Variants in SIPA1L1 observed in about 807,000 individuals in gnomAD.
SIPA1L1 encodes the protein signal induced proliferation associated 1 like 1.
SIPA1L1 carries 26 observed loss-of-function variants against 162.7 expected under a neutral mutation model. The ratio of observed to expected loss-of-function variants is 0.16; its 90% CI spans 0.12 to 0.22. SIPA1L1 has a LOEUF of 0.22. SIPA1L1 is among the 10% of genes least tolerant of loss of function. The probability of loss-of-function intolerance (pLI) is 1.00; values close to 1 mark genes in which losing one functional copy is unlikely to be tolerated. For synonymous variants in SIPA1L1, 829 were observed against 837.4 expected (o/e 0.99, Z 0.17); for missense variants, 1,874 against 2,241.0 (o/e 0.84, Z 3.31).
intron 7 of SIPA1L1, among the ~76,000 whole-genome samples, chr14:71,630,851 AC>A (rs2040494153): frequency 6.6e-6 from 1 of 150,950 alleles, no homozygotes; most frequent in Non-Finnish European, 1.5e-5. Context: ...GCTTTATTTC[AC>A]CCCTTTCTTT....
In SIPA1L1 at chr14:71,709,370, G is replaced by A; in HGVS notation, c.3914G>A (p.Ser1305Asn). The A allele has an allele frequency of 6.2e-7, 1 of 1,614,252 alleles. No homozygotes were observed. The highest frequency in any genetic ancestry group is 8.5e-7 in the Non-Finnish European group (1 of 1,180,046). ...YNYLQGTSAD[S>N]GIDTTSYGPS... The stretch of plus-strand genomic sequence containing the variant: ...TATCTGCAAGGCACCTCTGCTGACA[G>A]TGGCATTGACACCACCTCTTATGGC... The change falls in exon 17 of 24, where the codon AGT (serine) becomes AAT (asparagine). Residue 1305 changes from serine (S) to asparagine (N), a missense_variant. Ser to Asn is a conservative substitution (Grantham distance 46). Around this residue, in one of 5 missense-constraint regions of SIPA1L1, gnomAD observed 936 missense variants for 1,051.9 expected, o/e 0.89. Transcript: ENST00000381232.
chr14:71,334,253 A>G (rs1225985133), intron 2 of SIPA1L1, among the ~76,000 whole-genome samples: 1 of 152,020 alleles, frequency 6.6e-6, no homozygotes, highest in Non-Finnish European at 1.5e-5. Context: ...CAAATGAGAA[A>G]AAAAAAGTTA....
intron 19 of SIPA1L1, among the ~76,000 whole-genome samples, chr14:71,726,145 G>A (rs564250675): frequency 3.9e-5 from 6 of 152,272 alleles, no homozygotes; most frequent in African/African-American, 1.2e-4. Context: ...GAGTTTTGTC[G>A]AGAAATAAAT....
At chr14:71,421,352 G>C (rs2043175274) in intron 2 of SIPA1L1, among the ~76,000 whole-genome samples, 1 of 152,102 alleles carries the variant, frequency 6.6e-6, no homozygotes, top group African/African-American at 2.4e-5. Flanking sequence ...CAGTGCTTTG[G>C]GAGGCTGAGG....
At chr14:71,709,146 TCA>T in intron 16 of SIPA1L1, 74 bp from the exon 17 acceptor site, 3 of 1,238,884 alleles carry the variant, frequency 2.4e-6, no homozygotes, top group Non-Finnish European at 3.4e-6. Context: ...TAGAAATTAA[TCA>T]CAGTGTCATT....
chr14:71,739,104 C>T lies in SIPA1L1; in HGVS notation c.5295C>T (p.Ala1765=). 1 of 1,614,046 alleles carries T rather than the reference C, an allele frequency of 6.2e-7. No individual in the cohort carries two copies. Among genetic ancestry groups the T allele is most frequent in the East Asian group, 2.2e-5 (1 of 44,862 alleles). ...GGCTACAGGAGGAGTCCCAGAACGC[C>T]TCGGACAAGCTGAAGAAGTTCACAG... ...NLRLQEESQN[A]SDKLKKFTEW... The change falls in exon 24 of 24, where the codon GCC becomes GCT. Residue 1765 remains alanine (A), a synonymous_variant. Coordinates refer to ENST00000381232, the MANE Select transcript of SIPA1L1 (RefSeq NM_001386936.1).
At chr14:71,695,453 T>C (rs1457251310) in intron 13 of SIPA1L1, among the ~76,000 whole-genome samples, 2 of 152,202 alleles carry the variant, frequency 1.3e-5, no homozygotes, top group Non-Finnish European at 2.9e-5. Context: ...AAGCTGAGGT[T>C]GAGAACTAGC....
At chr14:71,411,622 T>C (rs2042410007) in intron 2 of SIPA1L1, among the ~76,000 whole-genome samples, 1 of 152,132 alleles carries the variant, frequency 6.6e-6, no homozygotes. Flanking sequence ...TCCCAAGGAG[T>C]TGGCTGGGCC....
intron 11 of SIPA1L1, 143 bp downstream of exon 11, chr14:71,671,835 T>C: frequency 1.5e-6 from 1 of 651,592 alleles, no homozygotes; most frequent in East Asian, 2.7e-5. Context: ...ACAGAGTTTA[T>C]CTCATGCTTG....
chr14:71,679,999 C>G (rs879710668), intron 12 of SIPA1L1, among the ~76,000 whole-genome samples: 1 of 152,100 alleles, frequency 6.6e-6, no homozygotes, highest in Non-Finnish European at 1.5e-5. Flanking sequence ...CTTTATCACC[C>G]GACTGTCAAC....
At chr14:71,563,371 G>A (rs1188018954) in intron 4 of SIPA1L1, among the ~76,000 whole-genome samples, 1 of 145,852 alleles carries the variant, frequency 6.9e-6, no homozygotes, top group Admixed American at 6.8e-5. Flanking sequence ...GTCTTCTTTT[G>A]GTTTGTACAT....
At chr14:71,412,020 C>T (rs1231587752) in intron 2 of SIPA1L1, among the ~76,000 whole-genome samples, 1 of 152,168 alleles carries the variant, frequency 6.6e-6, no homozygotes, top group African/African-American at 2.4e-5. Flanking sequence ...CAGCTGCCAG[C>T]CATGTCTTAT....
At chr14:71,357,699 CTGT>C (rs2037406716) in intron 2 of SIPA1L1, among the ~76,000 whole-genome samples, 1 of 152,076 alleles carries the variant, frequency 6.6e-6, no homozygotes, top group Non-Finnish European at 1.5e-5. Flanking sequence ...GTAGTTGGTA[CTGT>C]AGGCATGAGC....
chr14:71,520,283 C>G (rs2144823006), intron 3 of SIPA1L1, among the ~76,000 whole-genome samples: 1 of 152,224 alleles, frequency 6.6e-6, no homozygotes, highest in East Asian at 1.9e-4. Flanking sequence ...ATCAGTTCAT[C>G]AAAATGAACA....
intron 2 of SIPA1L1, among the ~76,000 whole-genome samples, chr14:71,387,248 CAAAAAAA>C (rs398025583): frequency 0.31 from 16,234 of 53,112 alleles, 840 homozygotes; most frequent in Middle Eastern, 0.42. Context: ...AACTCTGTCT[CAAAAAAA>C]AAAAAAAAAA....
intron 2 of SIPA1L1, among the ~76,000 whole-genome samples, chr14:71,394,003 T>C (rs2040981988): frequency 6.6e-6 from 1 of 152,246 alleles, no homozygotes; most frequent in Non-Finnish European, 1.5e-5. Context: ...AAGTATTTGA[T>C]AGTAGAATAA....
At chr14:71,731,408 G>A (rs1267765251) in intron 20 of SIPA1L1, among the ~76,000 whole-genome samples, 7 of 152,056 alleles carry the variant, frequency 4.6e-5, no homozygotes, top group African/African-American at 7.2e-5. Flanking sequence ...AGTCACCTCC[G>A]ATGAACCAAG....
At chr14:71,600,636 C>T (rs1031160858) in intron 5 of SIPA1L1, among the ~76,000 whole-genome samples, 1 of 152,108 alleles carries the variant, frequency 6.6e-6, no homozygotes, top group African/African-American at 2.4e-5. Flanking sequence ...CAAAGAATGA[C>T]ATTGATATTT....
intron 7 of SIPA1L1, among the ~76,000 whole-genome samples, chr14:71,636,414 G>A (rs777976365): frequency 2.6e-5 from 4 of 152,042 alleles, no homozygotes; most frequent in Non-Finnish European, 4.4e-5. Context: ...TAAGCACTTG[G>A]AAACTAAAAA....
Sources: gnomAD v4.1 joint callset for allele counts (sites outside exome capture counted in the v4.1 genomes callset) on GRCh38, gnomAD v4.1.1 for gene constraint, gnomAD v4.1.1 regional missense constraint, MANE v1.5 for transcripts, NCBI Gene and HGNC (gene_info 2026-07-23, HGNC 2026-07-21) for gene names.